The following CEP63 variants were observed in gnomAD, a reference collection of about 807,000 sequenced individuals.
CEP63 encodes the protein centrosomal protein of 63 kDa.
CEP63 carries 84 observed loss-of-function variants against 89.1 expected under a neutral mutation model. The observed-to-expected ratio is 0.94, with a 90% CI of 0.79 to 1.13. The LOEUF is 1.13. Among genes scored for constraint, CEP63 ranks in the 50% most tolerant of loss-of-function variants. CEP63 has a pLI of 0.00. For missense variants in CEP63, 838 were observed against 813.3 expected (o/e 1.03, Z -0.37); for synonymous variants, 267 against 272.5 (o/e 0.98, Z 0.20).
chr3:134,490,613 ATTTGT>A (rs948667897), intron 1 of CEP63, among the ~76,000 whole-genome samples: 1 of 151,440 alleles, frequency 6.6e-6, no homozygotes, highest in African/African-American at 2.4e-5. Context: ...CCCCATTTTG[ATTTGT>A]TTTATTATAT....
chr3:134,589,165 A>G (rs1958548490), downstream of CEP63, among the ~76,000 whole-genome samples: 1 of 152,204 alleles, frequency 6.6e-6, no homozygotes, highest in Non-Finnish European at 1.5e-5. Context: ...TCTTTCAGAG[A>G]ATGACAAAAG....
chr3:134,533,003 T>G, intron 5 of CEP63, 103 bp downstream of exon 5: 1 of 1,192,822 alleles, frequency 8.4e-7, no homozygotes, highest in East Asian at 2.4e-5. Context: ...TCTACTATCT[T>G]AAGGACTGCC....
At chr3:134,643,295 G>C in the CEP63 span, 1 of 1,612,778 alleles carries the variant, frequency 6.2e-7, no homozygotes, top group East Asian at 2.2e-5. Flanking sequence ...GGGAGGTCAC[G>C]GCTAGCGGCG....
At chr3:134,648,058 G>A in the CEP63 span, among the ~76,000 whole-genome samples, 1 of 152,218 alleles carries the variant, frequency 6.6e-6, no homozygotes, top group Non-Finnish European at 1.5e-5. Flanking sequence ...AACAGGGAAG[G>A]GAAGGAAAGC....
At chr3:134,535,629 A>G (rs1259218753) in intron 5 of CEP63, 1 of 152,144 alleles carries the variant, frequency 6.6e-6, no homozygotes, top group African/African-American at 2.4e-5. Context: ...TCATGACAGA[A>G]TAACTTTCAA....
chr3:134,779,557 C>G, the CEP63 span, among the ~76,000 whole-genome samples: 1 of 152,176 alleles, frequency 6.6e-6, no homozygotes, highest in African/African-American at 2.4e-5. Flanking sequence ...ATCATTTTCC[C>G]CATCTTACAC....
chr3:134,514,782 GTTC>G (rs1303785922), intron 3 of CEP63, among the ~76,000 whole-genome samples: 1 of 152,292 alleles, frequency 6.6e-6, no homozygotes, highest in South Asian at 2.1e-4. Context: ...ATTAAAAAAT[GTTC>G]TTTAGGTAGA....
the CEP63 span, chr3:134,643,507 GTGCACACCCTCACA>G: frequency 1.5e-6 from 1 of 686,510 alleles, no homozygotes; most frequent in Non-Finnish European, 2.6e-6. Context: ...GCCTAAATGT[GTGCACACCCTCACA>G]GTGTGCACAT....
intron 6 of CEP63, among the ~76,000 whole-genome samples, chr3:134,542,047 G>C (rs1952153198): frequency 6.6e-6 from 1 of 151,986 alleles, no homozygotes; most frequent in Non-Finnish European, 1.5e-5. Flanking sequence ...AAATCTTAGA[G>C]AACAGTAAGA....
chr3:134,534,117 C>T (rs1324979048), intron 5 of CEP63, among the ~76,000 whole-genome samples: 4 of 152,264 alleles, frequency 2.6e-5, no homozygotes, highest in African/African-American at 7.2e-5. Flanking sequence ...AAATAGTCAT[C>T]GTCTGACCTC....
chr3:134,574,305 A>G (rs750378949), intron 11 of CEP63, among the ~76,000 whole-genome samples: 1 of 152,196 alleles, frequency 6.6e-6, no homozygotes, highest in Non-Finnish European at 1.5e-5. Context: ...AGCTCTAGAC[A>G]GCAGTCCCAA....
chr3:134,526,744 A>G (rs112665229), intron 3 of CEP63, among the ~76,000 whole-genome samples: 10 of 149,270 alleles, frequency 6.7e-5, no homozygotes, highest in East Asian at 3.9e-4. Flanking sequence ...CATTCCTTCA[A>G]TCTTTGAAGT....
At chr3:134,776,900 A>G in the CEP63 span, among the ~76,000 whole-genome samples, 8 of 152,178 alleles carry the variant, frequency 5.3e-5, no homozygotes, top group Non-Finnish European at 8.8e-5. Flanking sequence ...AGGGGTTGGG[A>G]GAGATGGACA....
chr3:134,578,338 T>TTTTTTG (rs1560077894), downstream of CEP63, among the ~76,000 whole-genome samples: 39 of 137,778 alleles, frequency 2.8e-4, no homozygotes, highest in South Asian at 6.8e-4. Flanking sequence ...TTTTTTTTTT[T>TTTTTTG]TTTTTTTTTG....
At chr3:134,603,860 G>A in the CEP63 span, 1 of 1,614,004 alleles carries the variant, frequency 6.2e-7, no homozygotes, top group Non-Finnish European at 8.5e-7. Flanking sequence ...AAGCTCTCAG[G>A]GAACATGGGC....
At chr3:134,510,796 G>A (rs1295544827) in intron 3 of CEP63, 1 of 346,668 alleles carries the variant, frequency 2.9e-6, no homozygotes, top group Non-Finnish European at 5.6e-6. Flanking sequence ...CTGCAGTTCT[G>A]GCCCTGGAGG....
the CEP63 span, among the ~76,000 whole-genome samples, chr3:134,709,507 T>C: frequency 7.1e-6 from 1 of 141,660 alleles, no homozygotes; most frequent in South Asian, 2.5e-4. Context: ...GGGTGGGGGT[T>C]GGTCAGAGAC....
downstream of CEP63, among the ~76,000 whole-genome samples, chr3:134,579,421 A>G (rs578238216): frequency 4.6e-5 from 7 of 152,336 alleles, no homozygotes; most frequent in African/African-American, 1.4e-4. Flanking sequence ...GAGGGTTTCA[A>G]TTTAACCACA....
chr3:134,608,106 C>G, the CEP63 span: 9 of 1,127,814 alleles, frequency 8.0e-6, no homozygotes, highest in Non-Finnish European at 9.9e-6. Context: ...ACCCATGTTG[C>G]TCCCCATCCT....
Sources: gnomAD v4.1 joint callset for allele counts (sites outside exome capture counted in the v4.1 genomes callset) on GRCh38, gnomAD v4.1.1 for gene constraint, MANE v1.5 for transcripts, NCBI Gene and HGNC (gene_info 2026-07-23, HGNC 2026-07-21) for gene names.